The following WASF3 variants were observed in gnomAD, a reference collection of about 807,000 sequenced individuals.
WASF3 encodes actin-binding protein WASF3.
In WASF3, 11 loss-of-function variants were observed where a neutral mutation model predicts 46.6. That is an observed-to-expected ratio of 0.24 (90% CI 0.15 to 0.39). WASF3 has a LOEUF of 0.39. Ranked by LOEUF, WASF3 falls within the 10% of genes least tolerant of loss-of-function variation. The pLI, the probability that WASF3 is intolerant of heterozygous loss-of-function variation, is 1.00. For missense variants in WASF3, 576 were observed against 669.8 expected (o/e 0.86, Z 1.55); for synonymous variants, 242 against 259.7 (o/e 0.93, Z 0.65).
At chr13:26,599,119 C>T (rs1593139973) in intron 1 of WASF3, among the ~76,000 whole-genome samples, 2 of 151,436 alleles carry the variant, frequency 1.3e-5, no homozygotes, top group African/African-American at 4.8e-5. Flanking sequence ...GTCTTGGTCT[C>T]CCAAAGTGCT....
At chr13:26,568,237 G>A (rs1431885299) in intron 1 of WASF3, among the ~76,000 whole-genome samples, 2 of 152,070 alleles carry the variant, frequency 1.3e-5, no homozygotes, top group Non-Finnish European at 2.9e-5. Flanking sequence ...GGACTGCTGT[G>A]TAGAGGATAG....
intron 3 of WASF3, among the ~76,000 whole-genome samples, chr13:26,647,921 A>C (rs1441066810): frequency 6.6e-6 from 1 of 152,222 alleles, no homozygotes; most frequent in Non-Finnish European, 1.5e-5. Context: ...TTCATTGTAC[A>C]TATGGTTTTA....
chr13:26,620,482 A>G (rs567099824), intron 2 of WASF3: 1 of 152,314 alleles, frequency 6.6e-6, no homozygotes, highest in Non-Finnish European at 1.5e-5. Flanking sequence ...TGAACATAAC[A>G]CAGAGCATAA....
intron 1 of WASF3, among the ~76,000 whole-genome samples, chr13:26,605,768 A>G (rs1880776448): frequency 1.3e-5 from 2 of 152,204 alleles, no homozygotes; most frequent in African/African-American, 4.8e-5. Flanking sequence ...GAAACCAATT[A>G]TATTTACTAC....
intron 3 of WASF3, among the ~76,000 whole-genome samples, chr13:26,660,921 G>A (rs1305340018): frequency 6.6e-6 from 1 of 152,160 alleles, no homozygotes; most frequent in Non-Finnish European, 1.5e-5. Context: ...GAAGGAAGGT[G>A]AAGGGGAGCT....
At chr13:26,654,220 G>A (rs1882401971) in intron 3 of WASF3, among the ~76,000 whole-genome samples, 1 of 151,962 alleles carries the variant, frequency 6.6e-6, no homozygotes, top group African/African-American at 2.4e-5. Flanking sequence ...TCACTCACTA[G>A]CCTTTAGCCA....
intron 9 of WASF3, among the ~76,000 whole-genome samples, chr13:26,685,271 A>G (rs1016718889): frequency 6.6e-6 from 1 of 152,122 alleles, no homozygotes; most frequent in African/African-American, 2.4e-5. Context: ...AAGGCTCTGG[A>G]TGCTGTTGCT....
chr13:26,587,949 TAAAAAG>T (rs1296078505), intron 1 of WASF3, among the ~76,000 whole-genome samples: 1 of 152,054 alleles, frequency 6.6e-6, no homozygotes, highest in East Asian at 1.9e-4. Context: ...CTATAGGACT[TAAAAAG>T]AAAAAAGACT....
Position 26,685,836 on chromosome 13 carries a change from G to C in WASF3, c.1500G>C (p.Trp500Cys). 1 of 1,613,002 alleles carries C rather than the reference G, an allele frequency of 6.2e-7. No individual in the cohort carries two copies. The highest frequency in any genetic ancestry group is 8.5e-7 in the Non-Finnish European group (1 of 1,178,976). ...ACTCAGAGTTCGACGAGAACGACTG[G>C]TCCGACTGAGCAAAGGCCGGCGGAG... ...DDDSEFDEND[W>C]SD Residue 500 changes from tryptophan (W) to cysteine (C), a missense_variant, in exon 10 of 10, where the codon TGG (tryptophan) becomes TGC (cysteine). By Grantham distance (215) the Trp-to-Cys change is radical. Coordinates refer to ENST00000335327, the MANE Select transcript of WASF3 (RefSeq NM_006646.6).
chr13:26,561,606 TGAGA>T (rs1331576566), intron 1 of WASF3, among the ~76,000 whole-genome samples: 1 of 152,178 alleles, frequency 6.6e-6, no homozygotes, highest in Admixed American at 6.5e-5. Context: ...TCAAACAGTT[TGAGA>T]GTTTCCCAAA....
intron 1 of WASF3, among the ~76,000 whole-genome samples, chr13:26,566,579 T>C (rs1435812762): frequency 1.3e-5 from 2 of 152,232 alleles, no homozygotes; most frequent in African/African-American, 4.8e-5. Context: ...TCGTCATGGG[T>C]TAGGTGTCCA....
intron 2 of WASF3, among the ~76,000 whole-genome samples, chr13:26,617,249 A>G (rs367828465): frequency 6.6e-6 from 1 of 151,134 alleles, no homozygotes; most frequent in Non-Finnish European, 1.5e-5. Flanking sequence ...AAAAGTTCAT[A>G]ATTGTCATTT....
At chr13:26,590,573 A>G (rs1245760409) in intron 1 of WASF3, among the ~76,000 whole-genome samples, 2 of 152,202 alleles carry the variant, frequency 1.3e-5, no homozygotes, top group African/African-American at 2.4e-5. Context: ...GCAGATCTCA[A>G]TGAGATTGTT....
chr13:26,676,202 GTGTTTCCAGGT>G (rs1883064055), intron 6 of WASF3, among the ~76,000 whole-genome samples: 1 of 152,134 alleles, frequency 6.6e-6, no homozygotes, highest in Admixed American at 6.5e-5. Context: ...TCTCTTTATG[GTGTTTCCAGGT>G]TGTTCACCCA....
chr13:26,592,530 C>T (rs1593135903), intron 1 of WASF3, among the ~76,000 whole-genome samples: 1 of 152,070 alleles, frequency 6.6e-6, no homozygotes, highest in East Asian at 1.9e-4. Flanking sequence ...CCTCAGATGG[C>T]CTTTCTTCTG....
chr13:26,666,192 A>AT (rs1882765608), intron 4 of WASF3, among the ~76,000 whole-genome samples: 1 of 152,214 alleles, frequency 6.6e-6, no homozygotes, highest in Non-Finnish European at 1.5e-5. Context: ...TTTTCCAACA[A>AT]TAAGTATTAG....
the WASF3 span, among the ~76,000 whole-genome samples, chr13:26,548,940 C>T: frequency 1.3e-5 from 2 of 151,944 alleles, no homozygotes; most frequent in Admixed American, 6.6e-5. Flanking sequence ...TTACCATCTA[C>T]TTCTCCCCTA....
At chr13:26,553,350 G>A (rs979542353), upstream of WASF3, among the ~76,000 whole-genome samples, 5 of 152,044 alleles carry the variant, frequency 3.3e-5, no homozygotes, top group Non-Finnish European at 2.9e-5. Context: ...GGGTAGTAAC[G>A]GAGTCTGGAG....
At chr13:26,569,944 T>C (rs983382811) in intron 1 of WASF3, among the ~76,000 whole-genome samples, 1 of 152,198 alleles carries the variant, frequency 6.6e-6, no homozygotes, top group Non-Finnish European at 1.5e-5. Context: ...AACTTTAGAT[T>C]AAATGGACAA....
Sources: allele counts gnomAD v4.1 joint callset (sites outside exome capture counted in the v4.1 genomes callset), GRCh38; gene constraint gnomAD v4.1.1; transcripts MANE v1.5; gene names NCBI Gene and HGNC (gene_info 2026-07-23, HGNC 2026-07-21).